The following MBD5 variants were observed in gnomAD, a reference collection of about 807,000 sequenced individuals.
MBD5 encodes the protein methyl-CpG binding domain protein 5, also known as methyl-CpG-binding domain protein 5.
MBD5 carries 13 observed loss-of-function variants against 117.3 expected under a neutral mutation model. The observed-to-expected ratio is 0.11, with a 90% confidence interval of 0.07 to 0.18. MBD5 has a LOEUF of 0.18. MBD5 is among the 10% of genes least tolerant of loss of function. The pLI, the probability that MBD5 is intolerant of heterozygous loss-of-function variation, is 1.00. For missense variants in MBD5, 1,879 were observed against 2,093.8 expected (o/e 0.90, Z 2.00); for synonymous variants, 727 against 766.4 (o/e 0.95, Z 0.85).
intron 4 of MBD5, among the ~76,000 whole-genome samples, chr2:148,420,393 C>A (rs1277572513): frequency 6.6e-6 from 1 of 152,058 alleles, no homozygotes; most frequent in African/African-American, 2.4e-5. Context: ...ACTTCAAAAC[C>A]CATCTCCTAT....
chr2:148,172,522 A>G (rs2105806371), intron 1 of MBD5, among the ~76,000 whole-genome samples: 1 of 152,200 alleles, frequency 6.6e-6, no homozygotes, highest in East Asian at 1.9e-4. Context: ...ATTCCCCTCC[A>G]CAGGAATAGC....
intron 1 of MBD5, among the ~76,000 whole-genome samples, chr2:148,155,588 C>T (rs950146357): frequency 6.6e-6 from 1 of 152,196 alleles, no homozygotes; most frequent in Non-Finnish European, 1.5e-5. Context: ...TCTTCTTCAT[C>T]CTTGATACTT....
At chr2:148,487,057 T>A (rs1234146311) in intron 10 of MBD5, among the ~76,000 whole-genome samples, 3 of 152,208 alleles carry the variant, frequency 2.0e-5, no homozygotes, top group Non-Finnish European at 4.4e-5. Context: ...GGGAAATAGT[T>A]AAGTATATTA....
At chr2:148,269,998 G>A (rs1355571364) in intron 3 of MBD5, among the ~76,000 whole-genome samples, 2 of 151,874 alleles carry the variant, frequency 1.3e-5, no homozygotes, top group Non-Finnish European at 2.9e-5. Flanking sequence ...CATATTTCAT[G>A]CTTATTCTTT....
intron 2 of MBD5, among the ~76,000 whole-genome samples, chr2:148,203,419 A>AGAG (rs1354462072): frequency 6.6e-6 from 1 of 152,184 alleles, no homozygotes; most frequent in African/African-American, 2.4e-5. Flanking sequence ...CACTCTGATG[A>AGAG]CATTTTTCTA....
chr2:148,145,709 T>G (rs890784593), intron 1 of MBD5, among the ~76,000 whole-genome samples: 2 of 152,180 alleles, frequency 1.3e-5, no homozygotes, highest in Admixed American at 6.5e-5. Flanking sequence ...GAGATAATCA[T>G]ATGGTTTTTG....
At chr2:148,339,338 CAA>C (rs1034976745) in intron 3 of MBD5, among the ~76,000 whole-genome samples, 5 of 152,098 alleles carry the variant, frequency 3.3e-5, no homozygotes, top group African/African-American at 1.2e-4. Flanking sequence ...CCACATGGGC[CAA>C]AGTGAGTGGC....
chr2:148,167,198 C>T (rs966950723), intron 1 of MBD5, among the ~76,000 whole-genome samples: 5 of 151,794 alleles, frequency 3.3e-5, no homozygotes, highest in East Asian at 1.9e-4. Context: ...GTCTTTATGC[C>T]GATTAAAATG....
chr2:148,030,525 A>G (rs962856922), intron 1 of MBD5, among the ~76,000 whole-genome samples: 1 of 152,194 alleles, frequency 6.6e-6, no homozygotes, highest in African/African-American at 2.4e-5. Context: ...TATACTATTT[A>G]TACCATAAAG....
intron 1 of MBD5, among the ~76,000 whole-genome samples, chr2:148,161,319 ATC>A: frequency 6.6e-6 from 1 of 152,306 alleles, no homozygotes; most frequent in Admixed American, 6.5e-5. Flanking sequence ...TGGACTTAGC[ATC>A]TCATTGACCA....
At position 148,489,909 on chromosome 2, in the gene MBD5, C is replaced by A. The variant is rs777854328; in HGVS notation, c.4277C>A (p.Ser1426Tyr). The A allele has an allele frequency of 6.2e-7, 1 of 1,613,944 alleles. No individual in the cohort carries two copies. Among genetic ancestry groups the A allele is most frequent in the African/African-American group, 1.3e-5 (1 of 74,964 alleles). ...TTCAAGTCAGCAAGTTGCCACACAT[C>A]CAAAAAACAGTGGGACGGGGAGCAA... Reference protein sequence around the residue: ...EYFKSASCHTSKKQWDGEQSP... With the variant: ...EYFKSASCHTYKKQWDGEQSP... Residue 1426 changes from serine (S) to tyrosine (Y), a missense_variant, in exon 11 of 14, where the codon TCC becomes TAC. Physicochemically the swap from Ser to Tyr is moderately radical, Grantham distance 144 (BLOSUM62 -2). Coordinates refer to ENST00000642680, the MANE Select transcript of MBD5 (RefSeq NM_001378120.1).
At chr2:148,120,712 A>G (rs2105402215) in intron 1 of MBD5, among the ~76,000 whole-genome samples, 1 of 152,320 alleles carries the variant, frequency 6.6e-6, no homozygotes, top group East Asian at 1.9e-4. Context: ...TGCATAAATC[A>G]TGTCCTCTGC....
chr2:148,468,568 GGACAGA>G lies in MBD5; in HGVS notation c.626_631del (p.Gly209_Lys211delinsGlu). The G allele has an allele frequency of 6.2e-7, 1 of 1,613,916 alleles. No homozygotes were observed. Among genetic ancestry groups the G allele is most frequent in the African/African-American group, 1.3e-5 (1 of 75,008 alleles). On this transcript the variant is annotated inframe_deletion, in exon 8 of 14. Coordinates refer to ENST00000642680, the MANE Select transcript of MBD5 (RefSeq NM_001378120.1). ...ACAGAGATTGGGCAGCAGTGAACAT[GGACAGA>G]AATCTCCATTCCGTGGCAGCCATGG...
At chr2:148,045,636 A>G (rs1210639744) in intron 1 of MBD5, among the ~76,000 whole-genome samples, 2 of 152,202 alleles carry the variant, frequency 1.3e-5, no homozygotes, top group Non-Finnish European at 2.9e-5. Context: ...CAGAACTAAT[A>G]TCTGACCCCA....
intron 4 of MBD5, among the ~76,000 whole-genome samples, chr2:148,343,216 A>G (rs965225193): frequency 6.6e-6 from 1 of 151,960 alleles, no homozygotes; most frequent in East Asian, 1.9e-4. Context: ...CTTTACTATG[A>G]AGAATAGTGC....
At chr2:148,195,854 A>G (rs928200359) in intron 2 of MBD5, among the ~76,000 whole-genome samples, 1 of 152,238 alleles carries the variant, frequency 6.6e-6, no homozygotes, top group Admixed American at 6.5e-5. Flanking sequence ...TTGTGATGAA[A>G]CCACAACATA....
At chr2:148,383,929 C>A (rs1334267816) in intron 4 of MBD5, among the ~76,000 whole-genome samples, 1 of 152,168 alleles carries the variant, frequency 6.6e-6, no homozygotes, top group Admixed American at 6.5e-5. Context: ...GCTAAAAACT[C>A]TCAATACATT....
chr2:148,312,859 C>T (rs898352772), intron 3 of MBD5, among the ~76,000 whole-genome samples: 25 of 152,178 alleles, frequency 1.6e-4, no homozygotes, highest in African/African-American at 5.8e-4. Context: ...TTGTTGATGT[C>T]GATGCTATTC....
chr2:148,224,091 G>C (rs183752249), intron 2 of MBD5, among the ~76,000 whole-genome samples: 138 of 152,252 alleles, frequency 9.1e-4, no homozygotes, highest in Admixed American at 1.2e-3. Flanking sequence ...GAACATGCTT[G>C]ATATTATTTC....
Sources: allele counts gnomAD v4.1 joint callset (sites outside exome capture counted in the v4.1 genomes callset), GRCh38; gene constraint gnomAD v4.1.1; transcripts MANE v1.5; gene names NCBI Gene and HGNC (gene_info 2026-07-23, HGNC 2026-07-21).